The following WDFY2 variants were observed in gnomAD, a reference collection of about 807,000 sequenced individuals.
The protein encoded by WDFY2 is WD repeat and FYVE domain-containing protein 2.
WDFY2 carries 36 observed loss-of-function variants against 56.4 expected under a neutral mutation model. The ratio of observed to expected loss-of-function variants is 0.64; its 90% CI spans 0.49 to 0.84. The LOEUF is 0.84. Ranked by LOEUF, WDFY2 falls within the 40% of genes least tolerant of loss-of-function variation. WDFY2 has a pLI of 0.00. For synonymous variants in WDFY2, 176 were observed against 183.7 expected, an observed-to-expected ratio of 0.96 and a Z score of 0.34; for missense variants, 444 against 512.2, an observed-to-expected ratio of 0.87 and a Z score of 1.29.
At chr13:51,607,124 C>G (rs998063224) in intron 1 of WDFY2, among the ~76,000 whole-genome samples, 2 of 152,184 alleles carry the variant, frequency 1.3e-5, no homozygotes, top group Non-Finnish European at 2.9e-5. Context: ...ATACTGATAC[C>G]ATAACATAGC....
chr13:51,660,248 G>A (rs1333899354), intron 1 of WDFY2, among the ~76,000 whole-genome samples: 1 of 151,842 alleles, frequency 6.6e-6, no homozygotes, highest in African/African-American at 2.4e-5. Context: ...CCAGGCTGGA[G>A]TGCAGTGGCA....
chr13:51,696,305 T>G (rs910784582), intron 3 of WDFY2, among the ~76,000 whole-genome samples: 1 of 152,218 alleles, frequency 6.6e-6, no homozygotes, highest in Non-Finnish European at 1.5e-5. Flanking sequence ...AGCTGTTCCT[T>G]TTTGGCCATC....
At chr13:51,610,050 G>A (rs1296808451) in intron 1 of WDFY2, among the ~76,000 whole-genome samples, 1 of 152,100 alleles carries the variant, frequency 6.6e-6, no homozygotes, top group African/African-American at 2.4e-5. Context: ...GCTGAAAAAG[G>A]CAAGAATGAG....
intron 1 of WDFY2, among the ~76,000 whole-genome samples, chr13:51,630,470 T>C (rs1053226789): frequency 3.9e-5 from 6 of 152,010 alleles, no homozygotes; most frequent in East Asian, 3.9e-4. Context: ...TTCTTTCTTT[T>C]TTTTTTTTTA....
At chr13:51,755,552 G>T in intron 9 of WDFY2, 93 bp downstream of exon 9, 1 of 1,210,536 alleles carries the variant, frequency 8.3e-7, no homozygotes, top group Non-Finnish European at 1.2e-6. Context: ...GGTGGGAGTT[G>T]TGGTGAGGGT....
At chr13:51,638,762 T>C (rs1955099479) in intron 1 of WDFY2, among the ~76,000 whole-genome samples, 1 of 152,228 alleles carries the variant, frequency 6.6e-6, no homozygotes, top group Admixed American at 6.5e-5. Flanking sequence ...TTTGCAGGGC[T>C]TAACTTGATA....
At chr13:51,656,544 A>T (rs1955512550) in intron 1 of WDFY2, among the ~76,000 whole-genome samples, 1 of 151,854 alleles carries the variant, frequency 6.6e-6, no homozygotes, top group African/African-American at 2.4e-5. Flanking sequence ...CTGTTTCCTT[A>T]TATGTATGGA....
intron 1 of WDFY2, chr13:51,590,516 G>A (rs1390820912): frequency 1.3e-5 from 2 of 152,172 alleles, no homozygotes; most frequent in Non-Finnish European, 2.9e-5. Flanking sequence ...ACACTTTGTG[G>A]CATTTAGAAA....
intron 6 of WDFY2, 81 bp from the exon 7 acceptor site, chr13:51,738,968 C>T: frequency 1.5e-6 from 2 of 1,365,490 alleles, no homozygotes; most frequent in Non-Finnish European, 1.9e-6. Context: ...GCACTAGGTT[C>T]TGTCTCCGCT....
intron 1 of WDFY2, among the ~76,000 whole-genome samples, chr13:51,600,204 G>C (rs2138309851): frequency 6.6e-6 from 1 of 152,270 alleles, no homozygotes; most frequent in East Asian, 1.9e-4. Context: ...TTGTGTATTA[G>C]GTCACACTGA....
chr13:51,609,262 T>C (rs1348757919), intron 1 of WDFY2, among the ~76,000 whole-genome samples: 2 of 152,178 alleles, frequency 1.3e-5, no homozygotes, highest in Non-Finnish European at 2.9e-5. Flanking sequence ...TGATCACAAC[T>C]CCCAGGAGGG....
At chr13:51,683,716 T>A (rs1180282842) in intron 3 of WDFY2, among the ~76,000 whole-genome samples, 1 of 152,214 alleles carries the variant, frequency 6.6e-6, no homozygotes, top group Non-Finnish European at 1.5e-5. Context: ...CTGGTGTTGC[T>A]CCACCTACTG....
chr13:51,753,438 G>C (rs1953282773), intron 8 of WDFY2, among the ~76,000 whole-genome samples: 1 of 152,162 alleles, frequency 6.6e-6, no homozygotes, highest in Non-Finnish European at 1.5e-5. Flanking sequence ...TTTTTTAAAA[G>C]TATATATTGT....
intron 1 of WDFY2, among the ~76,000 whole-genome samples, chr13:51,639,702 T>C (rs1284676371): frequency 6.6e-6 from 1 of 152,198 alleles, no homozygotes; most frequent in Admixed American, 6.5e-5. Flanking sequence ...TTCGAAATAA[T>C]GTAGATTATG....
intron 3 of WDFY2, among the ~76,000 whole-genome samples, chr13:51,699,115 C>G (rs183281594): frequency 3.4e-4 from 52 of 152,330 alleles, no homozygotes; most frequent in African/African-American, 1.3e-3. Flanking sequence ...CCTGCTACTT[C>G]TGAATTACAT....
chr13:51,654,518 G>A (rs563633794), intron 1 of WDFY2, among the ~76,000 whole-genome samples: 2 of 152,262 alleles, frequency 1.3e-5, no homozygotes, highest in South Asian at 2.1e-4. Flanking sequence ...GTAGACTGGA[G>A]CTGTTCCTGA....
At position 51,723,385 on chromosome 13, in the gene WDFY2, C is replaced by T. The variant is rs927894960; in HGVS notation, c.485+4037C>T. On this transcript the variant is annotated intron_variant, in intron 5 of 11. Transcript: ENST00000298125. ...TTGTGCAGTGGATTTGTTTGAAATT[C>T]GATCTAGACAAGATCCACACATTGC... Among the ~76,000 whole-genome samples, 3 of 151,634 alleles carry T rather than the reference C, an allele frequency of 2.0e-5. No individual in the cohort carries two copies. In the South Asian group the frequency reaches 6.3e-4, roughly 32 times the overall value.
chr13:51,707,939 C>CTTTTTTTTTTTTTTTTTTTTTTTTTT (rs56054205), intron 4 of WDFY2, among the ~76,000 whole-genome samples: 2 of 57,570 alleles, frequency 3.5e-5, no homozygotes, highest in African/African-American at 7.2e-5. Flanking sequence ...CCTAAAACAA[C>CTTTTTTTTTTTTTTTTTTTTTTTTTT]TTTTTTTTTT....
chr13:51,756,650 A>G, intron 10 of WDFY2, 188 bp downstream of exon 10: 1 of 985,196 alleles, frequency 1.0e-6, no homozygotes, highest in Non-Finnish European at 1.2e-6. Context: ...ATGAGAGAAG[A>G]GAAAATACAC....
Sources: gnomAD v4.1 joint callset for allele counts (sites outside exome capture counted in the v4.1 genomes callset) on GRCh38, gnomAD v4.1.1 for gene constraint, MANE v1.5 for transcripts, NCBI Gene and HGNC (gene_info 2026-07-23, HGNC 2026-07-21) for gene names.